The following CORO7 variants were observed in gnomAD, a reference collection of about 807,000 sequenced individuals.
CORO7 encodes coronin 7.
A neutral mutation model predicts 126.6 loss-of-function variants in CORO7; 107 were observed. The observed-to-expected ratio is 0.85, with a 90% CI of 0.72 to 0.99. CORO7 has a LOEUF of 0.99. Ranked by LOEUF, CORO7 falls within the 50% of genes least tolerant of loss-of-function variation. The pLI is 0.00. For missense variants in CORO7, 1,314 were observed against 1,255.8 expected, an observed-to-expected ratio of 1.05 and a Z score of -0.70; for synonymous variants, 603 against 536.8, an observed-to-expected ratio of 1.12 and a Z score of -1.70.
intron 7 of CORO7, 40 bp downstream of exon 7, chr16:4,395,249 T>C (rs373091634): frequency 1.9e-6 from 3 of 1,613,668 alleles, no homozygotes; most frequent in East Asian, 2.2e-5. Flanking sequence ...TCAGCCTCAG[T>C]GGAGGCTTCA....
chr16:4,354,863 C>G lies in CORO7; in HGVS notation c.*295G>C, dbSNP rs2053922582. On this transcript the variant is annotated 3_prime_UTR_variant, in exon 28 of 28. Transcript: ENST00000251166. ...AGGTCAGCAGTGAGACCAGGGGAGA[C>G]AGGGTGCCCAGGGCCTGCCCAGGGA... The G allele has an allele frequency of 2.5e-6, 1 of 407,696 alleles. No homozygotes were observed. The highest frequency in any genetic ancestry group is 4.3e-6 in the Non-Finnish European group (1 of 230,260). 25.3% of individuals were successfully genotyped at this position (407,696 alleles called of 1,614,324 possible). A position where few individuals can be genotyped will look rare whatever the true frequency, so the allele number is the denominator to read the frequency against.
intron 3 of CORO7, among the ~76,000 whole-genome samples, chr16:4,410,575 G>C (rs928316737): frequency 6.6e-6 from 1 of 152,192 alleles, no homozygotes; most frequent in Non-Finnish European, 1.5e-5. Context: ...AAAGAGATCT[G>C]AGATTAGATG....
intron 6 of CORO7, 104 bp downstream of exon 6, chr16:4,405,387 C>T: frequency 1.5e-6 from 2 of 1,315,042 alleles, no homozygotes; most frequent in African/African-American, 1.5e-5. Flanking sequence ...GACCTCAGTG[C>T]TCCACTGCCT....
At chr16:4,415,546 G>C (rs1289024196) in intron 1 of CORO7, among the ~76,000 whole-genome samples, 1 of 152,160 alleles carries the variant, frequency 6.6e-6, no homozygotes, top group African/African-American at 2.4e-5. Context: ...TGTTCACCGG[G>C]ATGTCTCCAG....
At chr16:4,412,862 G>C in intron 2 of CORO7, 1 of 223,960 alleles carries the variant, frequency 4.5e-6, no homozygotes, top group Admixed American at 5.1e-5. Flanking sequence ...TGATCTCTTA[G>C]TTAGGCTGAA....
chr16:4,367,775 T>G (rs1567257287), intron 9 of CORO7, among the ~76,000 whole-genome samples: 1 of 151,770 alleles, frequency 6.6e-6, no homozygotes, highest in East Asian at 1.9e-4. Flanking sequence ...GCCTGGACAG[T>G]GTGGGTGAGG....
At chr16:4,386,827 C>T (rs749634323) in intron 9 of CORO7, among the ~76,000 whole-genome samples, 2 of 152,192 alleles carry the variant, frequency 1.3e-5, no homozygotes, top group Admixed American at 6.5e-5. Flanking sequence ...CTCCTCTGGG[C>T]GGCTCTCAGC....
At chr16:4,397,664 A>C (rs572144849) in intron 6 of CORO7, among the ~76,000 whole-genome samples, 1 of 152,094 alleles carries the variant, frequency 6.6e-6, no homozygotes, top group African/African-American at 2.4e-5. Context: ...CCCAGGCTGG[A>C]GTGCAGTGGC....
intron 3 of CORO7, among the ~76,000 whole-genome samples, chr16:4,411,544 T>A (rs1287796931): frequency 6.6e-6 from 1 of 152,158 alleles, no homozygotes; most frequent in African/African-American, 2.4e-5. Flanking sequence ...TCTATATACT[T>A]TTTAAAAATT....
Position 4,358,236 on chromosome 16 carries a change from C to T in CORO7, c.2457+131G>A, listed in dbSNP as rs142818952. The T allele has an allele frequency of 3.1e-5, 47 of 1,531,102 alleles. 1 individual carries two copies. The highest frequency in any genetic ancestry group is 5.9e-5 in the Admixed American group (3 of 51,148). The allele number at this position is 1,531,102 out of a possible 1,614,324, so 94.8% of individuals were successfully genotyped here. On this transcript the variant is annotated intron_variant, in intron 24 of 27. Transcript: ENST00000251166. ...GGGGCTTCCATGAGTTTCAGCATCT[C>T]AGCAGAAGGGGGTAGGTGTCCCCAT...
At chr16:4,387,673 C>G (rs973208522) in intron 9 of CORO7, 1 of 406,936 alleles carries the variant, frequency 2.5e-6, no homozygotes, top group African/African-American at 2.0e-5. Flanking sequence ...CGTATTCTTG[C>G]ACTTCTGGAT....
intron 9 of CORO7, among the ~76,000 whole-genome samples, chr16:4,378,956 G>A (rs1324676469): frequency 2.0e-5 from 3 of 152,166 alleles, no homozygotes; most frequent in Non-Finnish European, 4.4e-5. Context: ...GGGCCTGCGT[G>A]GGCCCAACCC....
chr16:4,382,091 A>T, intron 9 of CORO7: 1 of 1,584,564 alleles, frequency 6.3e-7, no homozygotes, highest in Non-Finnish European at 8.6e-7. Context: ...CCTGTCCCCC[A>T]GCCCCAGGAC....
At position 4,357,246 on chromosome 16, in the gene CORO7, G is replaced by A. The variant is rs775437526; in HGVS notation, c.2607C>T (p.Pro869=). 2 of 1,613,448 alleles carry A rather than the reference G, an allele frequency of 1.2e-6. No individual in the cohort carries two copies. Among genetic ancestry groups the A allele is most frequent in the South Asian group, 2.2e-5 (2 of 91,062 alleles). ...PPDMSPVSQA[P]REAPARRAPS... ...GGGCCCGACGAGCAGGGGCCTCTCG[G>A]GGGGCTTGGCTCACTGGGACAGAGC... The change falls in exon 26 of 28, where the codon CCC becomes CCT. Residue 869 remains proline, a synonymous_variant. Transcript: ENST00000251166.
intron 25 of CORO7, chr16:4,357,644 C>T: frequency 5.3e-6 from 2 of 374,234 alleles, no homozygotes; most frequent in Non-Finnish European, 9.5e-6. Context: ...GCATGAGCCA[C>T]CGCGCCTGGC....
chr16:4,395,433 G>A, intron 6 of CORO7, 94 bp from the exon 7 acceptor site: 1 of 1,547,552 alleles, frequency 6.5e-7, no homozygotes, highest in Non-Finnish European at 8.8e-7. Flanking sequence ...CCCCAGCTCT[G>A]AGCAGCCCAT....
intron 1 of CORO7, 148 bp downstream of exon 1, chr16:4,416,311 G>A (rs747786527): frequency 8.5e-6 from 10 of 1,183,060 alleles, no homozygotes; most frequent in Non-Finnish European, 1.1e-5. Flanking sequence ...CCGGACGCCG[G>A]GGCCCTGGCC....
At chr16:4,358,184 C>G in intron 24 of CORO7, 81 bp from the exon 25 acceptor site, 7 of 1,562,342 alleles carry the variant, frequency 4.5e-6, no homozygotes, top group Non-Finnish European at 6.1e-6. Flanking sequence ...AGGGACAGGG[C>G]AAGACCTGGG....
chr16:4,414,061 CCTA>C lies in CORO7; in HGVS notation c.61-660_61-658del, dbSNP rs746164168. Among the ~76,000 whole-genome samples, 3 of 151,726 alleles carry C rather than the reference CCTA, an allele frequency of 2.0e-5. No individual in the cohort carries two copies. In the East Asian group the frequency reaches 5.9e-4, roughly 30 times the overall value. On this transcript the variant is annotated intron_variant, in intron 1 of 27. Transcript: ENST00000251166. ...AATTATCCAGGCATGGTGGCGGGCA[CCTA>C]CATACAATTCCAGCTACTCAGGAGG...
Sources: allele counts gnomAD v4.1 joint callset (sites outside exome capture counted in the v4.1 genomes callset), GRCh38; gene constraint gnomAD v4.1.1; transcripts MANE v1.5; gene names NCBI Gene and HGNC (gene_info 2026-07-23, HGNC 2026-07-21).